CNTNAP2: variants seen among roughly 807,000 people sequenced by gnomAD.
The protein encoded by CNTNAP2 is contactin-associated protein-like 2.
In CNTNAP2, 98 loss-of-function variants were observed where a neutral mutation model predicts 155.2. That is an observed-to-expected ratio of 0.63 (90% confidence interval 0.54 to 0.75). CNTNAP2 has a LOEUF of 0.75. Among genes scored for constraint, CNTNAP2 ranks in the 30% least tolerant of loss-of-function variants. CNTNAP2 has a pLI of 0.00. For synonymous variants in CNTNAP2, 651 were observed against 631.2 expected (o/e 1.03, Z -0.47); for missense variants, 1,727 against 1,688.1 (o/e 1.02, Z -0.40).
At chr7:148,284,150 G>A (rs904748108) in intron 21 of CNTNAP2, among the ~76,000 whole-genome samples, 31 of 152,160 alleles carry the variant, frequency 2.0e-4, no homozygotes, top group African/African-American at 7.2e-4. Context: ...TATCACACAT[G>A]ATGTTCATGG....
intron 16 of CNTNAP2, among the ~76,000 whole-genome samples, chr7:148,136,183 T>C (rs1229499315): frequency 2.0e-5 from 3 of 151,700 alleles, no homozygotes; most frequent in Non-Finnish European, 4.4e-5. Flanking sequence ...GGAAACCACA[T>C]TGGGAAATCC....
At chr7:147,977,787 C>T (rs184616612) in intron 14 of CNTNAP2, 75 bp from the exon 15 acceptor site, 102 of 1,588,148 alleles carry the variant, frequency 6.4e-5, no homozygotes, top group African/African-American at 4.7e-4. Flanking sequence ...CATTAGACAA[C>T]GTAAGCAACT....
At chr7:147,550,855 T>G (rs1347195697) in intron 11 of CNTNAP2, among the ~76,000 whole-genome samples, 1 of 152,238 alleles carries the variant, frequency 6.6e-6, no homozygotes, top group African/African-American at 2.4e-5. Context: ...GTACTATATG[T>G]ACATATAGAT....
chr7:146,379,595 A>G (rs767855403), intron 1 of CNTNAP2, among the ~76,000 whole-genome samples: 6 of 152,170 alleles, frequency 3.9e-5, no homozygotes, highest in Non-Finnish European at 7.3e-5. Context: ...TTGCTATAAG[A>G]TAGAAATGGG....
intron 1 of CNTNAP2, among the ~76,000 whole-genome samples, chr7:146,296,966 G>T (rs945709948): frequency 2.0e-5 from 3 of 152,006 alleles, no homozygotes; most frequent in Non-Finnish European, 4.4e-5. Flanking sequence ...ATCTGTGTGT[G>T]TGTGTGTGTG....
intron 14 of CNTNAP2, among the ~76,000 whole-genome samples, chr7:147,918,473 A>G (rs962148617): frequency 2.0e-5 from 3 of 152,190 alleles, no homozygotes; most frequent in African/African-American, 7.2e-5. Flanking sequence ...GTTTTTAAAA[A>G]GATAATGGGT....
At chr7:146,605,138 G>T (rs1172610158) in intron 1 of CNTNAP2, among the ~76,000 whole-genome samples, 1 of 149,234 alleles carries the variant, frequency 6.7e-6, no homozygotes, top group Non-Finnish European at 1.5e-5. Context: ...CTTTTACACT[G>T]TTTTTTAATA....
chr7:147,718,088 T>C (rs1796508605), intron 13 of CNTNAP2, among the ~76,000 whole-genome samples: 1 of 152,142 alleles, frequency 6.6e-6, no homozygotes, highest in South Asian at 2.1e-4. Flanking sequence ...CTTGATATAG[T>C]ATCTGATGTA....
intron 8 of CNTNAP2, among the ~76,000 whole-genome samples, chr7:147,151,764 A>G (rs1331908490): frequency 6.6e-6 from 1 of 152,182 alleles, no homozygotes; most frequent in East Asian, 1.9e-4. Context: ...TGCAAATCCA[A>G]AAAAGGATAG....
At chr7:147,835,301 T>C (rs1798616543) in intron 13 of CNTNAP2, among the ~76,000 whole-genome samples, 1 of 152,148 alleles carries the variant, frequency 6.6e-6, no homozygotes, top group South Asian at 2.1e-4. Context: ...AGTGATGAAG[T>C]TGTAGATTCA....
chr7:147,660,575 G>C (rs1795594080), intron 13 of CNTNAP2, among the ~76,000 whole-genome samples: 1 of 152,158 alleles, frequency 6.6e-6, no homozygotes, highest in Non-Finnish European at 1.5e-5. Flanking sequence ...TCGTGCGTAT[G>C]GTTTTGCATT....
intron 1 of CNTNAP2, among the ~76,000 whole-genome samples, chr7:146,648,658 T>C (rs1016913021): frequency 6.6e-6 from 1 of 152,216 alleles, no homozygotes; most frequent in African/African-American, 2.4e-5. Flanking sequence ...TTTTAAAGTG[T>C]TTTTCCCCAA....
chr7:147,290,546 G>T (rs562420733), intron 8 of CNTNAP2, among the ~76,000 whole-genome samples: 1 of 152,094 alleles, frequency 6.6e-6, no homozygotes, highest in South Asian at 2.1e-4. Context: ...AGCCGAGCGT[G>T]GTGGCTTGTG....
chr7:146,535,562 T>A lies in CNTNAP2; in HGVS notation c.98-238709T>A, dbSNP rs530581096. On this transcript the variant is annotated intron_variant, in intron 1 of 23. Transcript: ENST00000361727. ...TTTAAACTTTCTAATTCGTATTTTT[T>A]AAATTAATTGTAATTGACAATTGTA... is the stretch of plus-strand genomic sequence containing the variant. Among the ~76,000 whole-genome samples, 6 of 150,064 alleles carry A rather than the reference T, an allele frequency of 4.0e-5. No homozygotes were observed. In the East Asian group the frequency reaches 5.9e-4, roughly 15 times the overall value.
intron 15 of CNTNAP2, among the ~76,000 whole-genome samples, chr7:148,055,941 C>G (rs1003958578): frequency 6.6e-6 from 1 of 152,148 alleles, no homozygotes; most frequent in African/African-American, 2.4e-5. Flanking sequence ...GGGGCTCATT[C>G]CTTAGGCCGT....
intron 13 of CNTNAP2, among the ~76,000 whole-genome samples, chr7:147,813,774 A>G (rs1318214012): frequency 6.6e-6 from 1 of 152,198 alleles, no homozygotes; most frequent in Non-Finnish European, 1.5e-5. Context: ...CAATTATAGC[A>G]GTTAAGAAGT....
chr7:147,757,414 A>G (rs777577707), intron 13 of CNTNAP2, among the ~76,000 whole-genome samples: 4 of 152,140 alleles, frequency 2.6e-5, no homozygotes, highest in Non-Finnish European at 5.9e-5. Flanking sequence ...TAGAGTTCCA[A>G]AGCCTGATGG....
chr7:147,059,842 A>G (rs1380230968), intron 4 of CNTNAP2, among the ~76,000 whole-genome samples: 1 of 152,196 alleles, frequency 6.6e-6, no homozygotes, highest in Non-Finnish European at 1.5e-5. Flanking sequence ...CTACCAAAGC[A>G]TGTTACCTCT....
At chr7:148,214,451 T>C (rs1029269544) in intron 18 of CNTNAP2, among the ~76,000 whole-genome samples, 1 of 152,246 alleles carries the variant, frequency 6.6e-6, no homozygotes, top group African/African-American at 2.4e-5. Flanking sequence ...TTGTATTTTG[T>C]TCATCTTCAC....
Sources: allele counts gnomAD v4.1 joint callset (sites outside exome capture counted in the v4.1 genomes callset), GRCh38; gene constraint gnomAD v4.1.1; transcripts MANE v1.5; gene names NCBI Gene and HGNC (gene_info 2026-07-23, HGNC 2026-07-21).